Variants in RARA observed in about 807,000 individuals in gnomAD.
RARA encodes PML-DDX5-RARA fusion.
RARA carries 5 observed loss-of-function variants against 42.8 expected under a neutral mutation model. That is an observed-to-expected ratio of 0.12 (90% confidence interval 0.06 to 0.25). The LOEUF (loss-of-function observed/expected upper bound fraction) is 0.25, where lower values mean the gene tolerates loss of function less well. Among genes scored for constraint, RARA ranks in the 10% least tolerant of loss-of-function variants. The pLI is 1.00. For synonymous variants in RARA, 256 were observed against 259.5 expected (o/e 0.99, Z 0.13); for missense variants, 402 against 628.7 (o/e 0.64, Z 3.86).
chr17:40,325,303 A>G (rs1348112914), intron 1 of RARA, among the ~76,000 whole-genome samples: 1 of 152,046 alleles, frequency 6.6e-6, no homozygotes, highest in Non-Finnish European at 1.5e-5. Context: ...AAATAAAAAG[A>G]GGCTGGGCTA....
chr17:40,355,242 G>GGGGT lies in RARA; in HGVS notation c.1013-18_1013-15dup. The GGGGT allele has an allele frequency of 2.6e-6, 4 of 1,552,028 alleles. No homozygotes were observed. The highest frequency in any genetic ancestry group is 3.5e-6 in the Non-Finnish European group (4 of 1,146,788). ...TGCAGCTGTGTTCCCAGCTGCTCAGGGGGTGGTTCTGCTTCCTCAGACCGC... is the reference window on the plus strand; with the variant it reads ...TGCAGCTGTGTTCCCAGCTGCTCAGGGGGTGGGTGGTTCTGCTTCCTCAGACCGC... On this transcript the variant is annotated intron_variant, in intron 7 of 8. Transcript: ENST00000254066. This position sits in a 1 kb window ranked among gnomAD's most constrained non-coding sequence, Gnocchi z 4.1.
intron 2 of RARA, among the ~76,000 whole-genome samples, chr17:40,344,687 C>G (rs1473570697): frequency 6.6e-6 from 1 of 152,180 alleles, no homozygotes; most frequent in African/African-American, 2.4e-5. Context: ...GGTAGTAGAC[C>G]TAGAGGCCTG....
intron 6 of RARA, among the ~76,000 whole-genome samples, chr17:40,353,597 C>T (rs921593363): frequency 6.6e-6 from 1 of 152,184 alleles, no homozygotes; most frequent in Non-Finnish European, 1.5e-5. Context: ...GCTGGGATTA[C>T]AGGCACCCGC....
chr17:40,322,732 G>A (rs1878603005), intron 1 of RARA, among the ~76,000 whole-genome samples: 1 of 151,932 alleles, frequency 6.6e-6, no homozygotes. Flanking sequence ...AAAGAGGGGG[G>A]TTAAGGGGGG....
At position 40,351,624 on chromosome 17, in the gene RARA, G is replaced by T. The variant is rs545263205; in HGVS notation, c.470-286G>T. ...GCCTGGAGTGTGAGCTGGAGTAGACGCGTGGGGGATAGCATGCGGCTGGCT... is the reference window on the plus strand; with the variant it reads ...GCCTGGAGTGTGAGCTGGAGTAGACTCGTGGGGGATAGCATGCGGCTGGCT... On this transcript the variant is annotated intron_variant, in intron 4 of 8. Transcript: ENST00000254066. The surrounding 1 kb of genome is among the most constrained non-coding windows in gnomAD (Gnocchi z 4.1). The T allele has an allele frequency of 3.9e-6, 2 of 510,394 alleles. No individual in the cohort carries two copies. The highest frequency in any genetic ancestry group is 7.4e-6 in the Non-Finnish European group (2 of 272,054). The allele number at this position is 510,394 out of a possible 1,614,324, so 31.6% of individuals were successfully genotyped here. A position where few individuals can be genotyped will look rare whatever the true frequency, so the allele number is the denominator to read the frequency against.
At chr17:40,310,124 C>T (rs537380163) in intron 1 of RARA, among the ~76,000 whole-genome samples, 1 of 152,320 alleles carries the variant, frequency 6.6e-6, no homozygotes, top group South Asian at 2.1e-4. Flanking sequence ...GCTCCCTGAG[C>T]TTCTTGGCTT....
intron 1 of RARA, among the ~76,000 whole-genome samples, chr17:40,317,368 G>A (rs2033236240): frequency 6.6e-6 from 1 of 152,234 alleles, no homozygotes; most frequent in African/African-American, 2.4e-5. Context: ...AGAGCTGCAG[G>A]CTGGGAGGGG....
At chr17:40,335,041 G>C (rs142478597) in intron 2 of RARA, among the ~76,000 whole-genome samples, 2 of 152,124 alleles carry the variant, frequency 1.3e-5, no homozygotes, top group African/African-American at 4.8e-5. Context: ...TGTGCACTAC[G>C]GGTCAGGGCT....
rs2034576113 is a variant in RARA at position 40,355,140 on chromosome 17, C to T, written c.1013-123C>T. ...GGCAGCAGAGACCCCATGCCCTGCC[C>T]TGTGTGGGGAGGCGCCTGCGAGCTG... On this transcript the variant is annotated intron_variant, in intron 7 of 8. Transcript: ENST00000254066. This position sits in a 1 kb window ranked among gnomAD's most constrained non-coding sequence, Gnocchi z 4.1. The T allele has an allele frequency of 8.1e-7, 1 of 1,236,340 alleles. No individual in the cohort carries two copies. The highest frequency in any genetic ancestry group is 1.1e-6 in the Non-Finnish European group (1 of 908,780). 76.6% of individuals were successfully genotyped at this position (1,236,340 alleles called of 1,614,324 possible).
chr17:40,328,534 A>G (rs1447936713), intron 1 of RARA, among the ~76,000 whole-genome samples: 1 of 152,076 alleles, frequency 6.6e-6, no homozygotes, highest in Non-Finnish European at 1.5e-5. Flanking sequence ...ATTTTAGAAC[A>G]CTTTCATCAC....
chr17:40,353,001 C>T (rs551279327), intron 6 of RARA, among the ~76,000 whole-genome samples: 1 of 152,300 alleles, frequency 6.6e-6, no homozygotes, highest in African/African-American at 2.4e-5. Context: ...ACCACCATCC[C>T]CTCTCTTGAA....
At position 40,331,416 on chromosome 17, in the gene RARA, C is replaced by A; in HGVS notation, c.178+20C>A. 1 of 1,607,562 alleles carries A rather than the reference C, an allele frequency of 6.2e-7. No homozygotes were observed. Among genetic ancestry groups the A allele is most frequent in the Admixed American group, 1.7e-5 (1 of 59,360 alleles). The stretch of plus-strand genomic sequence containing the variant: ...CAGCCAGTAAGTCTGGGTGTGGGGG[C>A]TGGGGTGGGAAGGGACTGTGGAGGG... On this transcript the variant is annotated intron_variant, in intron 2 of 8. Coordinates refer to ENST00000254066, the MANE Select transcript of RARA (RefSeq NM_000964.4).
At chr17:40,309,721 G>A (rs1179805280) in intron 1 of RARA, among the ~76,000 whole-genome samples, 1 of 152,104 alleles carries the variant, frequency 6.6e-6, no homozygotes. Flanking sequence ...CACCCAAAGA[G>A]CTCAGGACTT....
intron 2 of RARA, chr17:40,342,120 C>G (rs1374293786): frequency 1.9e-6 from 2 of 1,047,190 alleles, no homozygotes; most frequent in Non-Finnish European, 2.3e-6. Context: ...GGGGGTGGTG[C>G]CCGGAGGGGA....
chr17:40,347,828 G>T (rs544371773), intron 2 of RARA, among the ~76,000 whole-genome samples: 5 of 152,002 alleles, frequency 3.3e-5, no homozygotes, highest in South Asian at 4.2e-4. Context: ...TGGGGTGGAG[G>T]GGGGAGCGGA....
At chr17:40,319,275 C>T (rs2033301172) in intron 1 of RARA, among the ~76,000 whole-genome samples, 1 of 152,112 alleles carries the variant, frequency 6.6e-6, no homozygotes, top group Non-Finnish European at 1.5e-5. Context: ...AAAGACAGGC[C>T]TCCAGTGTGC....
At chr17:40,310,725 T>C (rs2033079878) in intron 1 of RARA, among the ~76,000 whole-genome samples, 1 of 152,168 alleles carries the variant, frequency 6.6e-6, no homozygotes, top group South Asian at 2.1e-4. Flanking sequence ...TCCCCTTTGC[T>C]AAGCCTTAGT....
At position 40,356,356 on chromosome 17, in the gene RARA, G is replaced by GGGGAC. The variant is rs1259480776; in HGVS notation, c.*134_*138dup. 4 of 1,048,028 alleles carry GGGGAC rather than the reference G, an allele frequency of 3.8e-6. No individual in the cohort carries two copies. The highest frequency in any genetic ancestry group is 5.7e-6 in the Non-Finnish European group (4 of 700,212). The allele number at this position is 1,048,028 out of a possible 1,614,324, so 64.9% of individuals were successfully genotyped here. A position where few individuals can be genotyped will look rare whatever the true frequency, so the allele number is the denominator to read the frequency against. ...CGGGCAGTACTGGGGACCTTCCCTG[G>GGGGAC]GGGACGGGGAGGGAGGAGGCAGCGA... On this transcript the variant is annotated 3_prime_UTR_variant, in exon 9 of 9. Transcript: ENST00000254066.
At position 40,357,215 on chromosome 17, in the gene RARA, A is replaced by G; in HGVS notation, c.*989A>G. 4.2e-6 allele frequency: 1 copy of G among 238,818 alleles called. No homozygotes were observed. The highest frequency in any genetic ancestry group is 8.2e-6 in the Non-Finnish European group (1 of 121,390). The allele number at this position is 238,818 out of a possible 1,614,324, so 14.8% of individuals were successfully genotyped here. A position where few individuals can be genotyped will look rare whatever the true frequency, so the allele number is the denominator to read the frequency against. ...GCTGCCTCCCGTCAGGGCCCACATC[A>G]TCTAGGCTCCCCAGCCCCCACTGTG... On this transcript the variant is annotated 3_prime_UTR_variant, in exon 9 of 9. Transcript: ENST00000254066.
Sources: gnomAD v4.1 joint callset for allele counts (sites outside exome capture counted in the v4.1 genomes callset) on GRCh38, gnomAD v4.1.1 for gene constraint, Gnocchi (gnomAD v3.1) non-coding constraint, MANE v1.5 for transcripts, NCBI Gene and HGNC (gene_info 2026-07-23, HGNC 2026-07-21) for gene names.